Variants in XRN1 observed in about 807,000 individuals in gnomAD.
The protein encoded by XRN1 is strand-exchange protein 1 homolog.
A neutral mutation model predicts 222.3 loss-of-function variants in XRN1; 67 were observed. The ratio of observed to expected loss-of-function variants is 0.30; its 90% confidence interval spans 0.25 to 0.37. XRN1 has a LOEUF of 0.37. Among genes scored for constraint, XRN1 ranks in the 10% least tolerant of loss-of-function variants. The pLI is 1.00. For synonymous variants in XRN1, 643 were observed against 652.4 expected, an observed-to-expected ratio of 0.99 and a Z score of 0.22; for missense variants, 1,707 against 2,000.2, an observed-to-expected ratio of 0.85 and a Z score of 2.80.
In XRN1 at chr3:142,308,929, G is replaced by A. The variant is rs1433506021; in HGVS notation, c.*2582C>T. On this transcript the variant is annotated 3_prime_UTR_variant, in exon 41 of 41. Transcript: ENST00000392981. ...GTCTTAGTCCACCCCATCTCAAAGA[G>A]AGAATTTTAAATTTCTTGAAGTCCA... 2 of 152,166 alleles carry A rather than the reference G, an allele frequency of 1.3e-5. No individual in the cohort carries two copies. Among genetic ancestry groups the A allele is most frequent in the Admixed American group, 1.3e-4 (2 of 15,268 alleles). 9.4% of individuals were successfully genotyped at this position (152,166 alleles called of 1,614,324 possible). A position where few individuals can be genotyped will look rare whatever the true frequency, so the allele number is the denominator to read the frequency against.
intron 29 of XRN1, among the ~76,000 whole-genome samples, chr3:142,361,449 T>C (rs1426089091): frequency 1.3e-5 from 2 of 152,196 alleles, no homozygotes; most frequent in Non-Finnish European, 2.9e-5. Flanking sequence ...GATGTATGTT[T>C]AACTTTTTAA....
intron 15 of XRN1, 136 bp from the exon 16 acceptor site, chr3:142,405,212 A>C: frequency 2.7e-6 from 2 of 734,426 alleles, no homozygotes; most frequent in Non-Finnish European, 4.4e-6. Flanking sequence ...ATCTTAACTA[A>C]TGAAACTCTT....
chr3:142,397,180 T>A, intron 20 of XRN1, 149 bp downstream of exon 20: 1 of 706,834 alleles, frequency 1.4e-6, no homozygotes, highest in East Asian at 3.4e-5. Flanking sequence ...GGTATCATTT[T>A]AAACTAGAAC....
At chr3:142,441,928 G>A (rs563292268) in intron 1 of XRN1, among the ~76,000 whole-genome samples, 7 of 152,172 alleles carry the variant, frequency 4.6e-5, no homozygotes, top group South Asian at 2.1e-4. Context: ...CAATTCATTC[G>A]TATTCATATA....
At chr3:142,415,568 A>G (rs1329399813) in intron 13 of XRN1, among the ~76,000 whole-genome samples, 4 of 152,220 alleles carry the variant, frequency 2.6e-5, no homozygotes, top group African/African-American at 4.8e-5. Flanking sequence ...CTTGGCCTTA[A>G]TGTAAGTTAC....
At position 142,426,774 on chromosome 3, in the gene XRN1, C is replaced by A. The variant is rs758000985; in HGVS notation, c.376G>T (p.Ala126Ser). 4 of 1,613,630 alleles carry A rather than the reference C, an allele frequency of 2.5e-6. No homozygotes were observed. The highest frequency in any genetic ancestry group is 2.2e-5 in the East Asian group (1 of 44,854). The change falls in exon 3 of 41, where the codon GCC (alanine) becomes TCC (serine). Residue 126 changes from alanine (A) to serine (S), a missense_variant. Ala to Ser is a moderately conservative substitution (Grantham distance 99). Around this residue, in one of 2 missense-constraint regions of XRN1, gnomAD observed 1,234 missense variants for 1,518.2 expected, o/e 0.81. Transcript: ENST00000392981. ...IEKGETLPTE[A>S]RFDSNCITPG... ...GTGATACAGTTGGAATCAAATCTGGCCTCTGTAGGAAGAGTTTCTCCCTTC... is the reference window on the plus strand; with the variant it reads ...GTGATACAGTTGGAATCAAATCTGGACTCTGTAGGAAGAGTTTCTCCCTTC...
At chr3:142,381,563 C>CTTTTTTTTTTTTTTT (rs766961502) in intron 22 of XRN1, among the ~76,000 whole-genome samples, 9 of 84,188 alleles carry the variant, frequency 1.1e-4, no homozygotes, top group South Asian at 3.8e-4. Flanking sequence ...TAAGTTATTG[C>CTTTTTTTTTTTTTTT]TTTTTTTTTT....
intron 15 of XRN1, among the ~76,000 whole-genome samples, chr3:142,410,584 CT>C (rs2068533886): frequency 6.8e-6 from 1 of 146,856 alleles, no homozygotes; most frequent in Admixed American, 7.0e-5. Flanking sequence ...ACCTCTGCCT[CT>C]GAGGGTTCAA....
At chr3:142,331,620 T>C (rs1012897283) in intron 36 of XRN1, among the ~76,000 whole-genome samples, 4 of 152,220 alleles carry the variant, frequency 2.6e-5, no homozygotes, top group African/African-American at 9.6e-5. Context: ...TTAAGTTACA[T>C]GATAATTTTT....
chr3:142,402,399 T>C (rs1185731957), intron 18 of XRN1, among the ~76,000 whole-genome samples: 2 of 152,064 alleles, frequency 1.3e-5, no homozygotes, highest in African/African-American at 4.8e-5. Flanking sequence ...GCCAGACTTG[T>C]CTTGAACTCC....
At chr3:142,334,254 A>G (rs913150148) in intron 34 of XRN1, among the ~76,000 whole-genome samples, 14 of 152,192 alleles carry the variant, frequency 9.2e-5, no homozygotes, top group Non-Finnish European at 2.1e-4. Context: ...AGGGCCTTAA[A>G]AGTCAAGTAA....
chr3:142,429,246 T>G (rs1366263230), intron 2 of XRN1, among the ~76,000 whole-genome samples: 1 of 151,256 alleles, frequency 6.6e-6, no homozygotes, highest in Non-Finnish European at 1.5e-5. Flanking sequence ...CTCCTGGGTT[T>G]AAGCAATTCT....
chr3:142,370,238 T>C lies in XRN1; in HGVS notation c.3204+247A>G, dbSNP rs146517574. The stretch of plus-strand genomic sequence containing the variant: ...AAAATATAATTTTATAAGTTTATAA[T>C]TAGTTATGATGGCTAATGTAGCCAT... On this transcript the variant is annotated intron_variant, in intron 27 of 40. Coordinates refer to ENST00000392981, the MANE Select transcript of XRN1 (RefSeq NM_001282857.2). Among the ~76,000 whole-genome samples the C allele has an allele frequency of 9.8e-4, 150 of 152,298 alleles. 3 individuals are homozygous for C. In the East Asian group the frequency reaches 0.023, roughly 23 times the overall value.
At chr3:142,335,658 T>C in intron 33 of XRN1, 149 bp from the exon 34 acceptor site, 1 of 693,786 alleles carries the variant, frequency 1.4e-6, no homozygotes, top group Non-Finnish European at 2.4e-6. Context: ...ATAACATAGA[T>C]AAGGGGGAGA....
chr3:142,319,307 C>A (rs944989842), intron 37 of XRN1, among the ~76,000 whole-genome samples: 2 of 151,934 alleles, frequency 1.3e-5, no homozygotes, highest in Non-Finnish European at 2.9e-5. Context: ...GCCCACAAGG[C>A]CTAAAATATT....
intron 37 of XRN1, among the ~76,000 whole-genome samples, chr3:142,327,079 T>G (rs2065537721): frequency 6.6e-6 from 1 of 152,144 alleles, no homozygotes; most frequent in South Asian, 2.1e-4. Context: ...TAGTTCTCAT[T>G]TTTTGTAGTG....
At position 142,307,892 on chromosome 3, in the gene XRN1, C is replaced by T. The variant is rs1364971426; in HGVS notation, c.*3619G>A. 1 of 152,152 alleles carries T rather than the reference C, an allele frequency of 6.6e-6. No individual in the cohort carries two copies. The highest frequency in any genetic ancestry group is 1.5e-5 in the Non-Finnish European group (1 of 68,010). The allele number at this position is 152,152 out of a possible 1,614,324, so 9.4% of individuals were successfully genotyped here. ...AACTTCTGCAATTGATTTTTAAAGA[C>T]AGAGAACGACTTTCACAGCCACTTC... On this transcript the variant is annotated 3_prime_UTR_variant, in exon 41 of 41. Coordinates refer to ENST00000392981, the MANE Select transcript of XRN1 (RefSeq NM_001282857.2).
chr3:142,330,593 G>GTTT lies in XRN1; in HGVS notation c.4223-981_4223-979dup, dbSNP rs74269485. On this transcript the variant is annotated intron_variant, in intron 36 of 40. Transcript: ENST00000392981. ...GACCCTAAGACTCTAAAGCCTATGAGTTTTTTTTTTTTTTTTTCCTATACT... is the reference window on the plus strand; with the variant it reads ...GACCCTAAGACTCTAAAGCCTATGAGTTTTTTTTTTTTTTTTTTTTCCTATACT... 2.3e-3 allele frequency among the ~76,000 whole-genome samples: 315 copies of GTTT among 137,098 alleles called. 1 individual carries two copies. The highest frequency in any genetic ancestry group is 7.8e-3 in the African/African-American group (301 of 38,412). 89.9% of individuals were successfully genotyped at this position (137,098 alleles called of 152,430 possible).
At chr3:142,407,473 G>C (rs2068385854) in intron 15 of XRN1, among the ~76,000 whole-genome samples, 1 of 152,080 alleles carries the variant, frequency 6.6e-6, no homozygotes, top group Admixed American at 6.5e-5. Context: ...GGGACTACAG[G>C]CATGAACCAC....
Sources: allele counts gnomAD v4.1 joint callset (sites outside exome capture counted in the v4.1 genomes callset), GRCh38; gene constraint gnomAD v4.1.1; regional missense constraint gnomAD v4.1.1; transcripts MANE v1.5; gene names NCBI Gene and HGNC (gene_info 2026-07-23, HGNC 2026-07-21).